The following CNOT1 variants were observed in gnomAD, a reference collection of about 807,000 sequenced individuals.
CNOT1 encodes the protein CCR4-associated factor 1.
Under a neutral mutation model 273.8 loss-of-function variants are expected in CNOT1, and 15 were observed. The ratio of observed to expected loss-of-function variants is 0.05; its 90% CI spans 0.04 to 0.08. The LOEUF is 0.08. CNOT1 is among the 10% of genes least tolerant of loss of function. CNOT1 has a pLI of 1.00. For missense variants in CNOT1, 1,644 were observed against 2,912.2 expected, an observed-to-expected ratio of 0.56 and a Z score of 10.02; for synonymous variants, 1,022 against 1,005.5, an observed-to-expected ratio of 1.02 and a Z score of -0.31.
rs1242720306 is a variant in CNOT1, at chr16:58,525,331, T to C, written c.6632A>G (p.Asn2211Ser). The part of the protein sequence containing the change: ...QVSNEPGNRY[N>S]LQLINALVLY... ...CACCAGTGCATTGATGAGCTGGAGG[T>C]TGTAGCGATTCCCAGGTTCATTGGA... The change falls in exon 46 of 49, where the codon AAC becomes AGC. Residue 2211 changes from asparagine to serine, a missense_variant. Physicochemically the swap from Asn to Ser is conservative, Grantham distance 46. Coordinates refer to ENST00000317147, the MANE Select transcript of CNOT1 (RefSeq NM_016284.5). 3.1e-6 allele frequency: 5 copies of C among 1,613,398 alleles called. No homozygotes were observed. The highest frequency in any genetic ancestry group is 1.1e-5 in the South Asian group (1 of 91,040).
Position 58,575,087 on chromosome 16 carries a change from T to C in CNOT1, c.1747A>G (p.Ile583Val). 6.2e-7 allele frequency: 1 copy of C among 1,614,092 alleles called. No individual in the cohort carries two copies. Among genetic ancestry groups the C allele is most frequent in the East Asian group, 2.2e-5 (1 of 44,860 alleles). Residue 583 changes from isoleucine (I) to valine (V), a missense_variant, in exon 15 of 49, where the codon ATT (isoleucine) becomes GTT (valine). By Grantham distance (29) the Ile-to-Val change is conservative. This residue lies in a region of CNOT1 where 706 missense variants were observed against 1,021.2 expected (regional missense o/e 0.69). Transcript: ENST00000317147. Reference sequence around the variant, plus strand: ...CGTGAAGCAAGTGCAGCAAGGTCAATAACAAAGGCAAATGGAGTACCATTT... The same window carrying C: ...CGTGAAGCAAGTGCAGCAAGGTCAACAACAAAGGCAAATGGAGTACCATTT... Reference protein sequence around the residue: ...LLNGTPFAFVIDLAALASRRE... With the variant: ...LLNGTPFAFVVDLAALASRRE...
At chr16:58,598,397 CAAAAAAAAAAAA>C (rs869048108) in intron 2 of CNOT1, among the ~76,000 whole-genome samples, 2 of 86,462 alleles carry the variant, frequency 2.3e-5, no homozygotes, top group Non-Finnish European at 4.4e-5. Context: ...GACTCCATCT[CAAAAAAAAAAAA>C]AAAAAAAAAA....
At position 58,555,337 on chromosome 16, in the gene CNOT1, T is replaced by C. The variant is rs1415255179; in HGVS notation, c.2805A>G (p.Leu935=). Residue 935 remains leucine (L), a synonymous_variant, in exon 21 of 49, where the codon CTA becomes CTG. Transcript: ENST00000317147. Reference sequence around the variant, plus strand: ...TGCGTAAGGCTTCAAGAACATATCGTAGAGCCAGACCTAGTGCCATGTAAG... The same window carrying C: ...TGCGTAAGGCTTCAAGAACATATCGCAGAGCCAGACCTAGTGCCATGTAAG... ...LVTYMALGLA[L]RYVLEALRKP... is the part of the protein sequence containing the mutation. The C allele has an allele frequency of 1.2e-6, 2 of 1,614,096 alleles. No homozygotes were observed. The highest frequency in any genetic ancestry group is 1.3e-5 in the African/African-American group (1 of 74,928).
At position 58,551,864 on chromosome 16, in the gene CNOT1, G is replaced by A. The variant is rs1460866004; in HGVS notation, c.2971-45C>T. On this transcript the variant is annotated intron_variant, in intron 22 of 48. Transcript: ENST00000317147. ...AAAAAGAGTTAACCTTAATTGCTAA[G>A]TCTGGATTATACGTCCCTCTTTTCT... The A allele has an allele frequency of 3.1e-6, 5 of 1,605,844 alleles. No individual in the cohort carries two copies. In the South Asian group the frequency reaches 4.4e-5, roughly 14 times the overall value.
rs980956526 is a variant in CNOT1, at chr16:58,620,662, A to G, written c.-175+9066T>C. Among the ~76,000 whole-genome samples, 4 of 89,460 alleles carry G rather than the reference A, an allele frequency of 4.5e-5. No homozygotes were observed. In the East Asian group the frequency reaches 1.6e-3, roughly 37 times the overall value. The allele number at this position is 89,460 out of a possible 152,430, so 58.7% of individuals were successfully genotyped here. On this transcript the variant is annotated intron_variant, in intron 1 of 48. Coordinates refer to ENST00000317147, the MANE Select transcript of CNOT1 (RefSeq NM_016284.5). Reference sequence around the variant, plus strand: ...AAGACTCTGTCTCATTTAAAAAAAAAAAAAAAAAAAAAAAAGAGGACAAAG... The same window carrying G: ...AAGACTCTGTCTCATTTAAAAAAAAGAAAAAAAAAAAAAAAGAGGACAAAG...
intron 1 of CNOT1, among the ~76,000 whole-genome samples, chr16:58,605,261 G>C (rs994304514): frequency 6.6e-6 from 1 of 152,150 alleles, no homozygotes; most frequent in Admixed American, 6.5e-5. Context: ...CCAGCACTTT[G>C]GGAGGCTGAG....
intron 35 of CNOT1, 95 bp from the exon 36 acceptor site, chr16:58,539,009 T>C (rs563700443): frequency 1.6e-5 from 24 of 1,507,320 alleles, no homozygotes; most frequent in African/African-American, 9.7e-5. Context: ...AAGTACCAAA[T>C]ACCTTCCAAA....
chr16:58,598,066 C>T, intron 2 of CNOT1: 1 of 170,214 alleles, frequency 5.9e-6, no homozygotes, highest in Non-Finnish European at 1.2e-5. Flanking sequence ...GAGTTCAAGA[C>T]CAGCCTGGCC....
chr16:58,622,313 C>CA (rs2043366724), intron 1 of CNOT1, among the ~76,000 whole-genome samples: 1 of 109,410 alleles, frequency 9.1e-6, no homozygotes, highest in South Asian at 3.0e-4. Context: ...GACTGTATCT[C>CA]AAAAAATGTA....
rs1222669875 is a variant in CNOT1, at chr16:58,580,659, C to T, written c.1317G>A (p.Glu439=). 1 of 1,612,094 alleles carries T rather than the reference C, an allele frequency of 6.2e-7. No homozygotes were observed. Among genetic ancestry groups the T allele is most frequent in the Non-Finnish European group, 8.5e-7 (1 of 1,179,260 alleles). ...VATDILKAPP[E]DDNREIATWK... ...ATGTGGCAATTTCTCGATTGTCATC[C>T]TCTGGTGGTGCTTTCAGAATATCAG... The change falls in exon 12 of 49, where the codon GAG becomes GAA. Residue 439 remains glutamate, a synonymous_variant. Transcript: ENST00000317147.
intron 33 of CNOT1, 39 bp downstream of exon 33, chr16:58,542,192 C>T: frequency 6.2e-7 from 1 of 1,603,564 alleles, no homozygotes; most frequent in Non-Finnish European, 8.5e-7. Flanking sequence ...AAAAATAAAA[C>T]AAAGATGGGA....
chr16:58,520,934 C>G lies in CNOT1; in HGVS notation c.*24G>C, dbSNP rs780113516. The stretch of plus-strand genomic sequence containing the variant: ...GTGCAGTGAGACCTCTAGACTGACA[C>G]GTACAACAGAGATGCAGTTTCGTCT... On this transcript the variant is annotated 3_prime_UTR_variant, in exon 49 of 49. Transcript: ENST00000317147. The G allele has an allele frequency of 1.1e-5, 18 of 1,608,826 alleles. No individual in the cohort carries two copies. Among genetic ancestry groups the G allele is most frequent in the South Asian group, 7.7e-5 (7 of 91,048 alleles).
chr16:58,529,140 T>C (rs1173556489), intron 43 of CNOT1, among the ~76,000 whole-genome samples: 1 of 152,008 alleles, frequency 6.6e-6, no homozygotes, highest in East Asian at 1.9e-4. Flanking sequence ...CCTACAGTCA[T>C]AAAAAATAGT....
intron 38 of CNOT1, among the ~76,000 whole-genome samples, chr16:58,537,493 C>T (rs946890944): frequency 2.0e-5 from 3 of 152,208 alleles, no homozygotes; most frequent in Non-Finnish European, 2.9e-5. Flanking sequence ...CAAATATTCA[C>T]TGTTTGCCTA....
chr16:58,543,899 G>A lies in CNOT1; in HGVS notation c.4142C>T (p.Pro1381Leu). ...CAACTGTGGATGGGCCTGAAACAAG[G>A]GAATCTGGGGGGTTGGGGAGGACAA... is the stretch of plus-strand genomic sequence containing the variant. ...APHITLNPTI[P>L]LFQAHPQLKQ... Residue 1381 changes from proline (P) to leucine (L), a missense_variant, in exon 31 of 49, where the codon CCC (proline) becomes CTC (leucine). Physicochemically the swap from Pro to Leu is moderately conservative, Grantham distance 98. Coordinates refer to ENST00000317147, the MANE Select transcript of CNOT1 (RefSeq NM_016284.5). 6.3e-7 allele frequency: 1 copy of A among 1,599,956 alleles called. No individual in the cohort carries two copies. The highest frequency in any genetic ancestry group is 8.5e-7 in the Non-Finnish European group (1 of 1,170,646).
chr16:58,553,746 A>G (rs747719810), intron 22 of CNOT1, 36 bp downstream of exon 22: 2 of 1,597,426 alleles, frequency 1.3e-6, no homozygotes, highest in East Asian at 4.6e-5. Flanking sequence ...CAAATACTAC[A>G]TAGCTATTTG....
intron 2 of CNOT1, chr16:58,597,738 G>A: frequency 2.0e-6 from 1 of 511,340 alleles, no homozygotes. Context: ...GTGTGATGGT[G>A]GCCCACCAAG....
At chr16:58,541,386 GTGTT>G in intron 34 of CNOT1, 111 bp downstream of exon 34, 1 of 1,453,670 alleles carries the variant, frequency 6.9e-7, no homozygotes, top group Non-Finnish European at 9.2e-7. Context: ...AAAACTATAG[GTGTT>G]TTTTCCCCTG....
intron 2 of CNOT1, chr16:58,597,797 C>T: frequency 2.1e-6 from 1 of 470,140 alleles, no homozygotes. Context: ...AAGGATACTC[C>T]AAGGCCAAAA....
Sources: gnomAD v4.1 joint callset for allele counts (sites outside exome capture counted in the v4.1 genomes callset) on GRCh38, gnomAD v4.1.1 for gene constraint, gnomAD v4.1.1 regional missense constraint, MANE v1.5 for transcripts, NCBI Gene and HGNC (gene_info 2026-07-23, HGNC 2026-07-21) for gene names.